Variants in ADAMTSL1 observed in about 807,000 individuals in gnomAD.
ADAMTSL1 encodes the protein ADAMTS like 1.
A neutral mutation model predicts 201.8 loss-of-function variants in ADAMTSL1; 126 were observed. The observed-to-expected ratio is 0.62, with a 90% CI of 0.54 to 0.72. ADAMTSL1 has a LOEUF of 0.72. Among genes scored for constraint, ADAMTSL1 ranks in the 30% least tolerant of loss-of-function variants. The pLI is 0.00. For synonymous variants in ADAMTSL1, 1,121 were observed against 903.4 expected, an observed-to-expected ratio of 1.24 and a Z score of -4.32; for missense variants, 2,679 against 2,277.8, an observed-to-expected ratio of 1.18 and a Z score of -3.59.
Position 18,261,083 on chromosome 9 carries a change from C to T in ADAMTSL1, c.207+97102C>T, listed in dbSNP as rs1445122868. ...CTATTAAATGGGGGAAAGTGTGGGGCGGGGGGTGGGGGAAGATAGAGAGAC... is the reference window on the plus strand; with the variant it reads ...CTATTAAATGGGGGAAAGTGTGGGGTGGGGGGTGGGGGAAGATAGAGAGAC... On this transcript the variant is annotated intron_variant, in intron 2 of 29. Coordinates refer to the ADAMTSL1 transcript ENST00000680146. 1.2e-4 allele frequency among the ~76,000 whole-genome samples: 8 copies of T among 66,824 alleles called. 1 individual carries two copies. The highest frequency in any genetic ancestry group is 1.0e-3 in the South Asian group (2 of 1,994). The allele number at this position is 66,824 out of a possible 152,430, so 43.8% of individuals were successfully genotyped here.
chr9:18,486,074 G>T (rs932592901), intron 1 of ADAMTSL1, among the ~76,000 whole-genome samples: 2 of 152,158 alleles, frequency 1.3e-5, no homozygotes, highest in African/African-American at 2.4e-5. Flanking sequence ...GGGTGCTAGG[G>T]TTCTTTAGAT....
intron 1 of ADAMTSL1, among the ~76,000 whole-genome samples, chr9:18,155,156 A>G (rs923531391): frequency 2.0e-5 from 3 of 152,040 alleles, no homozygotes; most frequent in Non-Finnish European, 4.4e-5. Context: ...TGACATACTC[A>G]CACATACTGA....
chr9:18,635,763 T>C (rs1014600748), intron 5 of ADAMTSL1, among the ~76,000 whole-genome samples, 180 bp from the exon 6 acceptor site: 9 of 152,216 alleles, frequency 5.9e-5, no homozygotes, highest in Non-Finnish European at 1.3e-4. Flanking sequence ...CTAGCATCTT[T>C]GGCATATTTT....
At chr9:18,041,856 T>G (rs925033236) in intron 1 of ADAMTSL1, among the ~76,000 whole-genome samples, 2 of 152,138 alleles carry the variant, frequency 1.3e-5, no homozygotes, top group Non-Finnish European at 2.9e-5. Context: ...GAGTAGTACA[T>G]ACTTTATGTC....
chr9:18,480,654 A>T (rs899525210), intron 1 of ADAMTSL1, among the ~76,000 whole-genome samples: 4 of 152,222 alleles, frequency 2.6e-5, no homozygotes, highest in African/African-American at 9.6e-5. Context: ...GATGCTATAC[A>T]TGCCAGTACT....
intron 15 of ADAMTSL1, among the ~76,000 whole-genome samples, chr9:18,730,594 A>G (rs1588002453): frequency 6.6e-6 from 1 of 152,096 alleles, no homozygotes; most frequent in East Asian, 1.9e-4. Flanking sequence ...CATTTTATCT[A>G]GTTATCTTTA....
At chr9:18,545,382 C>T (rs192590031) in intron 3 of ADAMTSL1, among the ~76,000 whole-genome samples, 128 of 152,200 alleles carry the variant, frequency 8.4e-4, no homozygotes, top group African/African-American at 2.9e-3. Context: ...TATGGGTGAT[C>T]TGGACTAATT....
chr9:18,358,133 T>C (rs1836338201), intron 2 of ADAMTSL1, among the ~76,000 whole-genome samples: 1 of 152,194 alleles, frequency 6.6e-6, no homozygotes. Context: ...CATCTGCACA[T>C]TTAGAATACC....
intron 1 of ADAMTSL1, among the ~76,000 whole-genome samples, chr9:17,935,277 G>A (rs1426079635): frequency 6.6e-6 from 1 of 151,942 alleles, no homozygotes; most frequent in South Asian, 2.1e-4. Flanking sequence ...TGCCTTATGG[G>A]TTGTCCCTTC....
intron 2 of ADAMTSL1, among the ~76,000 whole-genome samples, chr9:18,301,722 A>G (rs976639058): frequency 3.3e-5 from 5 of 152,184 alleles, no homozygotes; most frequent in Non-Finnish European, 7.3e-5. Context: ...ACACATAACC[A>G]CTTAGAGGAA....
intron 2 of ADAMTSL1, among the ~76,000 whole-genome samples, chr9:18,408,059 T>C (rs1489184970): frequency 6.6e-6 from 1 of 152,244 alleles, no homozygotes; most frequent in Admixed American, 6.5e-5. Context: ...GATGTTTGTA[T>C]CAATTAAAAT....
At chr9:18,273,684 C>T (rs994180280) in intron 2 of ADAMTSL1, among the ~76,000 whole-genome samples, 16 of 152,122 alleles carry the variant, frequency 1.1e-4, no homozygotes, top group African/African-American at 2.9e-4. Flanking sequence ...ATGTGTTGAT[C>T]CCGCCTAAAA....
At chr9:18,526,079 G>A (rs1028920347) in intron 2 of ADAMTSL1, among the ~76,000 whole-genome samples, 1 of 152,156 alleles carries the variant, frequency 6.6e-6, no homozygotes, top group Non-Finnish European at 1.5e-5. Context: ...GGGAGTCTAA[G>A]TCTCTTTGTA....
rs1431844816 is a variant in ADAMTSL1, at chr9:18,900,687, A to C, written c.4852-5095A>C. Among the ~76,000 whole-genome samples the C allele has an allele frequency of 2.0e-5, 3 of 148,760 alleles. No individual in the cohort carries two copies. The Admixed American group carries it at 2.1e-4, about 10-fold the overall frequency. ...CTAACCCAGGAACAGAAAACCAAACACCGTATATTTCCACTTATAAGTGAG... is the reference window on the plus strand; with the variant it reads ...CTAACCCAGGAACAGAAAACCAAACCCCGTATATTTCCACTTATAAGTGAG... On this transcript the variant is annotated intron_variant, in intron 26 of 28. Coordinates refer to ENST00000380548, the MANE Select transcript of ADAMTSL1 (RefSeq NM_001040272.6).
chr9:18,205,257 C>G (rs1471817890), intron 2 of ADAMTSL1, among the ~76,000 whole-genome samples: 1 of 152,114 alleles, frequency 6.6e-6, no homozygotes, highest in African/African-American at 2.4e-5. Context: ...ATTATATACA[C>G]TATAATGCTC....
chr9:18,191,590 T>C (rs959533940), intron 2 of ADAMTSL1, among the ~76,000 whole-genome samples: 10 of 152,182 alleles, frequency 6.6e-5, no homozygotes, highest in Non-Finnish European at 1.3e-4. Flanking sequence ...AGAAGGTTCC[T>C]TAAAGGCTCT....
At chr9:18,703,312 A>G (rs1342191955) in intron 13 of ADAMTSL1, among the ~76,000 whole-genome samples, 3 of 152,160 alleles carry the variant, frequency 2.0e-5, no homozygotes, top group Non-Finnish European at 4.4e-5. Context: ...CAAGATAGTA[A>G]ATACAGAGCT....
At chr9:18,614,226 C>T (rs987698354) in intron 4 of ADAMTSL1, among the ~76,000 whole-genome samples, 1 of 152,132 alleles carries the variant, frequency 6.6e-6, no homozygotes, top group African/African-American at 2.4e-5. Context: ...GCTATGACTG[C>T]TAAACCCCAG....
At chr9:18,300,418 ACT>A (rs556621644) in intron 2 of ADAMTSL1, among the ~76,000 whole-genome samples, 193 of 148,906 alleles carry the variant, frequency 1.3e-3, no homozygotes, top group African/African-American at 4.0e-3. Context: ...CAATGAGATC[ACT>A]TGGACACAGG....
Sources: gnomAD v4.1 joint callset for allele counts (sites outside exome capture counted in the v4.1 genomes callset) on GRCh38, gnomAD v4.1.1 for gene constraint, MANE v1.5 for transcripts, NCBI Gene and HGNC (gene_info 2026-07-23, HGNC 2026-07-21) for gene names.